The following SEC24C variants were observed in gnomAD, a reference collection of about 807,000 sequenced individuals.
The protein encoded by SEC24C is SEC24 homolog C, COPII component.
SEC24C carries 22 observed loss-of-function variants against 117.0 expected under a neutral mutation model. The ratio of observed to expected loss-of-function variants is 0.19; its 90% confidence interval spans 0.13 to 0.27. The LOEUF is 0.27. Ranked by LOEUF, SEC24C falls within the 10% of genes least tolerant of loss-of-function variation. SEC24C has a pLI of 1.00. For missense variants in SEC24C, 1,155 were observed against 1,375.1 expected (o/e 0.84, Z 2.53); for synonymous variants, 506 against 529.4 (o/e 0.96, Z 0.61).
intron 8 of SEC24C, among the ~76,000 whole-genome samples, chr10:73,764,894 C>T (rs964222827): frequency 1.3e-5 from 2 of 152,208 alleles, no homozygotes; most frequent in Non-Finnish European, 2.9e-5. Flanking sequence ...TTATATTCTG[C>T]TTATCTCTCC....
At chr10:73,754,394 G>A (rs779548601) in intron 3 of SEC24C, among the ~76,000 whole-genome samples, 1 of 152,128 alleles carries the variant, frequency 6.6e-6, no homozygotes, top group Non-Finnish European at 1.5e-5. Flanking sequence ...CATCCTGGGC[G>A]ACAGAGTGAG....
At chr10:73,766,324 C>G in intron 11 of SEC24C, 26 bp from the exon 12 acceptor site, 1 of 1,586,664 alleles carries the variant, frequency 6.3e-7, no homozygotes, top group Non-Finnish European at 8.6e-7. Flanking sequence ...GGTGGCAAGT[C>G]TAGGTAACAA....
chr10:73,769,239 GAA>G lies in SEC24C; in HGVS notation c.2424+88_2424+89del. 6.3e-7 allele frequency: 1 copy of G among 1,588,612 alleles called. No individual in the cohort carries two copies. The highest frequency in any genetic ancestry group is 8.6e-7 in the Non-Finnish European group (1 of 1,166,052). On this transcript the variant is annotated intron_variant, in intron 17 of 22. Transcript: ENST00000345254. The surrounding 1 kb of genome is among the most constrained non-coding windows in gnomAD (Gnocchi z 4.5). ...GAGGAATGGGTAGAGAGCACTAAAA[GAA>G]GAGACAGGGCACGGGAGTGGCTCAT...
intron 3 of SEC24C, among the ~76,000 whole-genome samples, chr10:73,754,551 C>T (rs2082684903): frequency 6.6e-6 from 1 of 152,146 alleles, no homozygotes; most frequent in Non-Finnish European, 1.5e-5. Flanking sequence ...GGGAATGGTT[C>T]CAGGACCTCC....
At chr10:73,744,943 G>A (rs1408370869) in intron 1 of SEC24C, among the ~76,000 whole-genome samples, 1 of 152,104 alleles carries the variant, frequency 6.6e-6, no homozygotes, top group African/African-American at 2.4e-5. Flanking sequence ...CCTCCCCCCG[G>A]CTTTGGAAAC....
rs758511306 is a variant in SEC24C, at chr10:73,765,374, G to T, written c.1228-77G>T. The T allele has an allele frequency of 3.9e-6, 6 of 1,530,656 alleles. No homozygotes were observed. The South Asian group carries it at 4.6e-5, about 12-fold the overall frequency. 94.8% of individuals were successfully genotyped at this position (1,530,656 alleles called of 1,614,324 possible). The stretch of plus-strand genomic sequence containing the variant: ...TCTGCGCCATGCGCCTTCTTCCTCC[G>T]GTTGTTCTTCCTCATCTCCTGGCTG... On this transcript the variant is annotated intron_variant, in intron 8 of 22. Coordinates refer to ENST00000345254, the MANE Select transcript of SEC24C (RefSeq NM_198597.3).
intron 1 of SEC24C, among the ~76,000 whole-genome samples, chr10:73,745,632 T>C (rs2082535354): frequency 6.6e-6 from 1 of 151,750 alleles, no homozygotes; most frequent in Admixed American, 6.6e-5. Context: ...TATTGCAATC[T>C]CCGCCTCCCG....
chr10:73,772,030 A>C lies in SEC24C; in HGVS notation c.*935A>C. On this transcript the variant is annotated 3_prime_UTR_variant, in exon 23 of 23. Coordinates refer to ENST00000345254, the MANE Select transcript of SEC24C (RefSeq NM_198597.3). ...CTGGCTTGGGGGCAGGACAAGGGCT[A>C]GGCTTGATGGTGGCCAGGCTTGCCT... 1 of 317,444 alleles carries C rather than the reference A, an allele frequency of 3.2e-6. No individual in the cohort carries two copies. The highest frequency in any genetic ancestry group is 5.8e-6 in the Non-Finnish European group (1 of 173,572). The allele number at this position is 317,444 out of a possible 1,614,324, so 19.7% of individuals were successfully genotyped here.
rs765815259 is a variant in SEC24C, at chr10:73,763,920, T to C, written c.1164T>C (p.Ala388=). ...SYNIPCTSDM[A]KQAQVPLAAV... ...ATATCCCTTGCACATCTGACATGGC[T>C]AAGCAGGCTCAGGTGCCCCTGGCAG... is the stretch of plus-strand genomic sequence containing the variant. The change falls in exon 8 of 23, where the codon GCT becomes GCC. Residue 388 remains alanine (A), a synonymous_variant. Coordinates refer to ENST00000345254, the MANE Select transcript of SEC24C (RefSeq NM_198597.3). The C allele has an allele frequency of 9.9e-6, 16 of 1,612,830 alleles. No individual in the cohort carries two copies. Among genetic ancestry groups the C allele is most frequent in the Non-Finnish European group, 1.4e-5 (16 of 1,179,492 alleles).
Position 73,759,679 on chromosome 10 carries a change from T to A in SEC24C, c.366T>A (p.Pro122=), listed in dbSNP as rs1380896388. 1 of 1,591,346 alleles carries A rather than the reference T, an allele frequency of 6.3e-7. No homozygotes were observed. Among genetic ancestry groups the A allele is most frequent in the East Asian group, 2.3e-5 (1 of 44,042 alleles). ...TGGCCCCTGTGGGCAACCAGCCACC[T>A]GTGCTTCAGCCCTATGGCCCTCCCC... is the stretch of plus-strand genomic sequence containing the variant. ...SPLAPVGNQP[P]VLQPYGPPPT... The change falls in exon 4 of 23, where the codon CCT becomes CCA. Residue 122 remains proline (P), a synonymous_variant. Transcript: ENST00000345254.
chr10:73,754,605 A>T (rs979870168), intron 3 of SEC24C, among the ~76,000 whole-genome samples: 1 of 152,144 alleles, frequency 6.6e-6, no homozygotes, highest in Admixed American at 6.5e-5. Context: ...CAAGTCCCTC[A>T]TATAAACTCT....
At chr10:73,764,578 G>C (rs1183279015) in intron 8 of SEC24C, among the ~76,000 whole-genome samples, 1 of 151,766 alleles carries the variant, frequency 6.6e-6, no homozygotes, top group Non-Finnish European at 1.5e-5. Context: ...GAAGACAGCT[G>C]AATGTAGGAA....
At chr10:73,747,655 ATTTT>A (rs774177202) in intron 2 of SEC24C, among the ~76,000 whole-genome samples, 8 of 84,020 alleles carry the variant, frequency 9.5e-5, no homozygotes, top group Admixed American at 2.6e-4. Flanking sequence ...CCTGGCCTGT[ATTTT>A]TTTTTTTTTT....
At chr10:73,764,380 C>T (rs1183037451) in intron 8 of SEC24C, among the ~76,000 whole-genome samples, 7 of 152,100 alleles carry the variant, frequency 4.6e-5, no homozygotes, top group East Asian at 3.9e-4. Flanking sequence ...AAAAATTAGC[C>T]GGGCGTGGTG....
rs959669617 is a variant in SEC24C, at chr10:73,765,211, T to C, written c.1228-240T>C. On this transcript the variant is annotated intron_variant, in intron 8 of 22. Transcript: ENST00000345254. ...GCCGGTTTTGCATTTCCTCTTCTCT[T>C]TCAGTGAGAAATGCAGCTCTGGGGG... Among the ~76,000 whole-genome samples, 3 of 152,218 alleles carry C rather than the reference T, an allele frequency of 2.0e-5. No homozygotes were observed. In the East Asian group the frequency reaches 5.8e-4, roughly 29 times the overall value.
At position 73,772,110 on chromosome 10, in the gene SEC24C, A is replaced by C; in HGVS notation, c.*1015A>C. On this transcript the variant is annotated 3_prime_UTR_variant, in exon 23 of 23. Transcript: ENST00000345254. ...ACCTCTCATTTCTCTTCATTGGTTTATTTTTCAATGCATCTTTAATTTGTA... is the reference window on the plus strand; with the variant it reads ...ACCTCTCATTTCTCTTCATTGGTTTCTTTTTCAATGCATCTTTAATTTGTA... 1 of 416,974 alleles carries C rather than the reference A, an allele frequency of 2.4e-6. No individual in the cohort carries two copies. The highest frequency in any genetic ancestry group is 4.2e-6 in the Non-Finnish European group (1 of 237,750). The allele number at this position is 416,974 out of a possible 1,614,324, so 25.8% of individuals were successfully genotyped here. A position where few individuals can be genotyped will look rare whatever the true frequency, so the allele number is the denominator to read the frequency against.
intron 8 of SEC24C, among the ~76,000 whole-genome samples, 193 bp from the exon 9 acceptor site, chr10:73,765,258 T>C (rs1355211673): frequency 2.0e-5 from 3 of 152,236 alleles, no homozygotes; most frequent in Non-Finnish European, 2.9e-5. Context: ...AAGAGGGAAC[T>C]ATATAATTTT....
intron 14 of SEC24C, 78 bp downstream of exon 14, chr10:73,767,248 C>A: frequency 1.1e-6 from 1 of 927,332 alleles, no homozygotes. Flanking sequence ...TTGATGGTGG[C>A]TAGGACCAGA....
At chr10:73,748,284 C>CG (rs1370569676) in intron 2 of SEC24C, among the ~76,000 whole-genome samples, 1 of 145,504 alleles carries the variant, frequency 6.9e-6, no homozygotes, top group Non-Finnish European at 1.5e-5. Flanking sequence ...TACAGGCTCC[C>CG]GCCACCATGC....
Sources: allele counts gnomAD v4.1 joint callset (sites outside exome capture counted in the v4.1 genomes callset), GRCh38; gene constraint gnomAD v4.1.1; non-coding constraint Gnocchi (gnomAD v3.1); transcripts MANE v1.5; gene names NCBI Gene and HGNC (gene_info 2026-07-23, HGNC 2026-07-21).